NUCB1: variants seen among roughly 807,000 people sequenced by gnomAD.
The protein encoded by NUCB1 is nucleobindin-1.
Under a neutral mutation model 61.2 loss-of-function variants are expected in NUCB1, and 47 were observed. The ratio of observed to expected loss-of-function variants is 0.77; its 90% CI spans 0.61 to 0.98. The LOEUF (loss-of-function observed/expected upper bound fraction) is 0.98, where lower values mean the gene tolerates loss of function less well. Ranked by LOEUF, NUCB1 falls within the 50% of genes least tolerant of loss-of-function variation. NUCB1 has a pLI of 0.00. For missense variants in NUCB1, 583 were observed against 605.3 expected (o/e 0.96, Z 0.39); for synonymous variants, 234 against 243.1 (o/e 0.96, Z 0.35).
chr19:48,912,907 G>A, intron 5 of NUCB1, 104 bp from the exon 6 acceptor site: 1 of 748,094 alleles, frequency 1.3e-6, no homozygotes, highest in Non-Finnish European at 2.1e-6. Flanking sequence ...TAGAGGCTGG[G>A]GCTGCCCTCA....
intron 10 of NUCB1, 42 bp downstream of exon 10, chr19:48,919,328 C>A: frequency 6.9e-7 from 1 of 1,456,970 alleles, no homozygotes; most frequent in South Asian, 1.2e-5. Context: ...ACCTCTCTCT[C>A]TTCTAGCCAT....
intron 4 of NUCB1, among the ~76,000 whole-genome samples, chr19:48,910,163 G>A (rs904739779): frequency 5.9e-5 from 9 of 151,482 alleles, no homozygotes; most frequent in Non-Finnish European, 1.0e-4. Context: ...TGCAACCTCC[G>A]CCTCCCAGGT....
intron 4 of NUCB1, among the ~76,000 whole-genome samples, chr19:48,908,722 GT>G (rs201701986): frequency 0.014 from 370 of 26,066 alleles, 8 homozygotes; most frequent in African/African-American, 0.032. Context: ...TGACCAAGGG[GT>G]GTGTGTGTGT....
intron 5 of NUCB1, among the ~76,000 whole-genome samples, chr19:48,911,783 A>G (rs924520681): frequency 2.0e-5 from 3 of 151,962 alleles, no homozygotes; most frequent in Admixed American, 2.0e-4. Context: ...CTATTTCCAA[A>G]TAAGATCACA....
chr19:48,905,086 CGGATTT>C (rs2037397727), intron 3 of NUCB1, among the ~76,000 whole-genome samples: 1 of 152,110 alleles, frequency 6.6e-6, no homozygotes, highest in Non-Finnish European at 1.5e-5. Flanking sequence ...CTGCACAGTT[CGGATTT>C]GGATTTTCCA....
At chr19:48,910,194 AG>A in intron 4 of NUCB1, among the ~76,000 whole-genome samples, 1 of 151,908 alleles carries the variant, frequency 6.6e-6, no homozygotes, top group Middle Eastern at 3.4e-3. Context: ...CCCCTGCCTC[AG>A]CCTCCCAAGT....
intron 7 of NUCB1, among the ~76,000 whole-genome samples, chr19:48,914,806 C>A (rs981654832): frequency 1.3e-5 from 2 of 151,420 alleles, no homozygotes; most frequent in African/African-American, 4.9e-5. Context: ...ATAGACCAGG[C>A]GTGGTGGCTC....
chr19:48,908,721 G>GGTGGGTGGGT (rs780595245), intron 4 of NUCB1, among the ~76,000 whole-genome samples: 2 of 109,328 alleles, frequency 1.8e-5, no homozygotes, highest in Admixed American at 9.9e-5. Context: ...TTGACCAAGG[G>GGTGGGTGGGT]GTGTGTGTGT....
chr19:48,904,669 G>A (rs572738771), intron 3 of NUCB1, among the ~76,000 whole-genome samples: 9 of 152,032 alleles, frequency 5.9e-5, no homozygotes, highest in East Asian at 5.8e-4. Flanking sequence ...GATTACAGGC[G>A]TACACCACCA....
At chr19:48,916,212 A>G (rs892569217) in intron 7 of NUCB1, among the ~76,000 whole-genome samples, 2 of 145,148 alleles carry the variant, frequency 1.4e-5, no homozygotes, top group African/African-American at 5.7e-5. Context: ...GGCTTATTTC[A>G]CTTAGCATAA....
intron 10 of NUCB1, 64 bp downstream of exon 10, chr19:48,919,350 C>A: frequency 7.7e-7 from 1 of 1,294,996 alleles, no homozygotes; most frequent in Non-Finnish European, 1.1e-6. Flanking sequence ...ACCTTTCTTT[C>A]AGAATCTTAG....
At position 48,917,785 on chromosome 19, in the gene NUCB1, C is replaced by T. The variant is rs542314170; in HGVS notation, c.758-941C>T. On this transcript the variant is annotated intron_variant, in intron 7 of 12. Transcript: ENST00000405315. ...TGCTGGGATTACAGGCGTGAGCCAC[C>T]GCACCCGGCCCAATTTTTTACTTTT... Among the ~76,000 whole-genome samples the T allele has an allele frequency of 1.1e-3, 173 of 151,306 alleles. 1 individual carries two copies. Among genetic ancestry groups the T allele is most frequent in the Non-Finnish European group, 1.8e-3 (121 of 67,882 alleles).
rs143826495 is a variant in NUCB1, at chr19:48,913,092, C to T, written c.562C>T (p.Arg188Trp). 18 of 1,613,476 alleles carry T rather than the reference C, an allele frequency of 1.1e-5. No homozygotes were observed. The highest frequency in any genetic ancestry group is 6.7e-5 in the East Asian group (3 of 44,884). Residue 188 changes from arginine to tryptophan, a missense_variant, in exon 6 of 13, where the codon CGG (arginine) becomes TGG (tryptophan). Coordinates refer to ENST00000405315, the MANE Select transcript of NUCB1 (RefSeq NM_006184.6). ...CGAGATGCTTAAGGAACACGAGAGA[C>T]GGCGTTATCTGGAGTCACTGGGAGA... is the stretch of plus-strand genomic sequence containing the variant. ...RYEMLKEHER[R>W]RYLESLGEEQ...
At chr19:48,903,780 G>A (rs1437552573) in intron 2 of NUCB1, among the ~76,000 whole-genome samples, 1 of 149,494 alleles carries the variant, frequency 6.7e-6, no homozygotes, top group Non-Finnish European at 1.5e-5. Flanking sequence ...GTGGATGGAT[G>A]GATGGATAGA....
intron 4 of NUCB1, among the ~76,000 whole-genome samples, chr19:48,910,329 G>C (rs760041674): frequency 1.3e-5 from 2 of 151,620 alleles, no homozygotes; most frequent in African/African-American, 2.4e-5. Context: ...GCCCCCCTTG[G>C]CCTCCCAAAG....
intron 7 of NUCB1, 27 bp downstream of exon 7, chr19:48,913,591 C>T (rs1476935243): frequency 6.4e-7 from 1 of 1,568,220 alleles, no homozygotes; most frequent in Admixed American, 1.7e-5. Flanking sequence ...GTTCCAGAGC[C>T]AGGATGAACC....
At chr19:48,901,636 C>G (rs911621884) in intron 2 of NUCB1, among the ~76,000 whole-genome samples, 1 of 152,206 alleles carries the variant, frequency 6.6e-6, no homozygotes, top group Non-Finnish European at 1.5e-5. Context: ...TGGTGGCTCA[C>G]GCCTATAATC....
At chr19:48,903,906 G>GTGGATGGATGGATGGA (rs1429519010) in intron 2 of NUCB1, among the ~76,000 whole-genome samples, 1 of 126,172 alleles carries the variant, frequency 7.9e-6, no homozygotes, top group Non-Finnish European at 1.7e-5. Flanking sequence ...GGATGGATGG[G>GTGGATGGATGGATGGA]TGGATGGATG....
intron 8 of NUCB1, 121 bp from the exon 9 acceptor site, chr19:48,918,908 CT>C: frequency 7.5e-7 from 1 of 1,337,080 alleles, no homozygotes; most frequent in South Asian, 1.2e-5. Context: ...CCATCAGCCC[CT>C]GGGGCAAAAA....
Sources: allele counts gnomAD v4.1 joint callset (sites outside exome capture counted in the v4.1 genomes callset), GRCh38; gene constraint gnomAD v4.1.1; transcripts MANE v1.5; gene names NCBI Gene and HGNC (gene_info 2026-07-23, HGNC 2026-07-21).